FBRSL1: variants seen among roughly 807,000 people sequenced by gnomAD.
The protein encoded by FBRSL1 is fibrosin-1-like protein.
A neutral mutation model predicts 89.6 loss-of-function variants in FBRSL1; 51 were observed. The ratio of observed to expected loss-of-function variants is 0.57; its 90% confidence interval spans 0.45 to 0.72. The LOEUF (loss-of-function observed/expected upper bound fraction) is 0.72, where lower values mean the gene tolerates loss of function less well. Ranked by LOEUF, FBRSL1 falls within the 30% of genes least tolerant of loss-of-function variation. The pLI, the probability that FBRSL1 is intolerant of heterozygous loss-of-function variation, is 0.00. For missense variants in FBRSL1, 1,618 were observed against 1,451.8 expected (o/e 1.11, Z -1.86); for synonymous variants, 779 against 681.1 (o/e 1.14, Z -2.24).
At chr12:132,506,245 C>T (rs555194869) in intron 1 of FBRSL1, among the ~76,000 whole-genome samples, 2 of 152,168 alleles carry the variant, frequency 1.3e-5, no homozygotes, top group Non-Finnish European at 2.9e-5. Context: ...GAGGAGGGGC[C>T]GGCAGAAATC....
intron 4 of FBRSL1, among the ~76,000 whole-genome samples, chr12:132,530,877 C>T (rs563310710): frequency 6.6e-6 from 1 of 152,088 alleles, no homozygotes; most frequent in African/African-American, 2.4e-5. Flanking sequence ...ATACCTGTTT[C>T]AGACCCTGGT....
rs1299339182 is a variant in FBRSL1 at position 132,583,579 on chromosome 12, C to T, written c.2810C>T (p.Ala937Val). 1.8e-4 allele frequency: 180 copies of T among 1,010,326 alleles called. No homozygotes were observed. The highest frequency in any genetic ancestry group is 2.1e-4 in the Non-Finnish European group (178 of 847,026). 62.6% of individuals were successfully genotyped at this position (1,010,326 alleles called of 1,614,324 possible). ...CACTTCCCGCGCCTCTCGCCCGCCG[C>T]GCTGCACAATGGGCTCCTGGCGCGG... ...ALHFPRLSPA[A>V]LHNGLLARTP... is the part of the protein sequence containing the mutation. The change falls in exon 19 of 19, where the codon GCG becomes GTG. Residue 937 changes from alanine to valine, a missense_variant. Coordinates refer to ENST00000680143, the MANE Select transcript of FBRSL1 (RefSeq NM_001367871.1).
chr12:132,490,820 G>A lies in FBRSL1; in HGVS notation c.250G>A (p.Gly84Ser), dbSNP rs759748652. The change falls in exon 1 of 19, where the codon GGC (glycine) becomes AGC (serine). Residue 84 changes from glycine (G) to serine (S), a missense_variant. Coordinates refer to ENST00000680143, the MANE Select transcript of FBRSL1 (RefSeq NM_001367871.1). ...CTCGCAGGAGGAGGAGGTCATCGAC[G>A]GCTTCGCCATCGCCAGCTTCAGCAC... is the stretch of plus-strand genomic sequence containing the variant. ...SSSQEEEVID[G>S]FAIASFSTLE... 2 of 1,407,310 alleles carry A rather than the reference G, an allele frequency of 1.4e-6. No individual in the cohort carries two copies. The highest frequency in any genetic ancestry group is 1.5e-5 in the African/African-American group (1 of 66,732). 87.2% of individuals were successfully genotyped at this position (1,407,310 alleles called of 1,614,324 possible).
chr12:132,572,044 G>A (rs2040056676), intron 9 of FBRSL1: 10 of 565,938 alleles, frequency 1.8e-5, no homozygotes, highest in Admixed American at 3.2e-5. Flanking sequence ...GACTGCCTGG[G>A]GGGGCCGAGT....
Position 132,490,659 on chromosome 12 carries a change from A to C in FBRSL1, c.89A>C (p.Gln30Pro). The part of the protein sequence containing the change: ...RREAARDARA[Q>P]SPSSGDEPEP... ...GAGGCCGCCCGCGACGCCCGCGCCC[A>C]GAGTCCGTCGTCGGGCGACGAGCCC... Residue 30 changes from glutamine (Q) to proline (P), a missense_variant, in exon 1 of 19, where the codon CAG (glutamine) becomes CCG (proline). Gln to Pro is a moderately conservative substitution (Grantham distance 76). Transcript: ENST00000680143. 1.0e-6 allele frequency: 1 copy of C among 992,506 alleles called. No homozygotes were observed. The highest frequency in any genetic ancestry group is 1.2e-6 in the Non-Finnish European group (1 of 833,490). 61.5% of individuals were successfully genotyped at this position (992,506 alleles called of 1,614,324 possible). A position where few individuals can be genotyped will look rare whatever the true frequency, so the allele number is the denominator to read the frequency against.
rs559758400 is a variant in FBRSL1 at position 132,508,368 on chromosome 12, C to T, written c.489+18C>T. ...CCAAGCAGGTGAGCAGGTCCCTCCC[C>T]GACCGGAAGCTCTGCGGCGGGTCAG... is the stretch of plus-strand genomic sequence containing the variant. On this transcript the variant is annotated intron_variant, in intron 2 of 18. Transcript: ENST00000680143. The T allele has an allele frequency of 1.2e-4, 160 of 1,294,590 alleles. No homozygotes were observed. Among genetic ancestry groups the T allele is most frequent in the Middle Eastern group, 7.5e-4 (3 of 4,020 alleles). The allele number at this position is 1,294,590 out of a possible 1,614,324, so 80.2% of individuals were successfully genotyped here. A position where few individuals can be genotyped will look rare whatever the true frequency, so the allele number is the denominator to read the frequency against.
At position 132,534,168 on chromosome 12, in the gene FBRSL1, A is replaced by C. The variant is rs546049247; in HGVS notation, c.615+6180A>C. On this transcript the variant is annotated intron_variant, in intron 4 of 18. Coordinates refer to ENST00000680143, the MANE Select transcript of FBRSL1 (RefSeq NM_001367871.1). Reference sequence around the variant, plus strand: ...CACCACTCAGCCCTGGGAGGTCAGCATGGGGGCAGCAGGGACTTGGGGTCC... The same window carrying C: ...CACCACTCAGCCCTGGGAGGTCAGCCTGGGGGCAGCAGGGACTTGGGGTCC... Among the ~76,000 whole-genome samples, 78 of 152,272 alleles carry C rather than the reference A, an allele frequency of 5.1e-4. No homozygotes were observed. The Middle Eastern group carries it at 0.01, about 20-fold the overall frequency.
At chr12:132,540,366 C>T (rs1395255737) in intron 4 of FBRSL1, among the ~76,000 whole-genome samples, 1 of 144,684 alleles carries the variant, frequency 6.9e-6, no homozygotes, top group Non-Finnish European at 1.5e-5. Context: ...AGGTCCCTCC[C>T]GCCAGGTGCC....
chr12:132,539,448 C>T (rs1170401494), intron 4 of FBRSL1, among the ~76,000 whole-genome samples: 37 of 132,786 alleles, frequency 2.8e-4, no homozygotes, highest in African/African-American at 1.1e-3. Context: ...CCCCACCCAC[C>T]CAGTCCTGCC....
intron 5 of FBRSL1, among the ~76,000 whole-genome samples, chr12:132,556,775 C>T (rs986926559): frequency 6.3e-5 from 8 of 127,152 alleles, no homozygotes; most frequent in African/African-American, 2.5e-4. Flanking sequence ...TCCTGTGGGA[C>T]GCTCCTCTCC....
At chr12:132,540,770 C>T (rs1051306645) in intron 4 of FBRSL1, among the ~76,000 whole-genome samples, 1 of 152,202 alleles carries the variant, frequency 6.6e-6, no homozygotes, top group Non-Finnish European at 1.5e-5. Context: ...GGCCCCTCCC[C>T]GATGGCAGGA....
chr12:132,544,916 A>C (rs2037558710), intron 4 of FBRSL1, among the ~76,000 whole-genome samples: 1 of 152,192 alleles, frequency 6.6e-6, no homozygotes, highest in Non-Finnish European at 1.5e-5. Context: ...TAATGTACTG[A>C]CTATATATCA....
intron 4 of FBRSL1, among the ~76,000 whole-genome samples, chr12:132,533,766 G>A (rs1008911129): frequency 8.5e-5 from 13 of 152,246 alleles, no homozygotes; most frequent in Non-Finnish European, 1.5e-4. Context: ...GCCAGGCACT[G>A]GGTTGTGAGG....
chr12:132,512,664 T>C (rs1593293798), intron 2 of FBRSL1, among the ~76,000 whole-genome samples: 1 of 151,810 alleles, frequency 6.6e-6, no homozygotes, highest in Admixed American at 6.6e-5. Flanking sequence ...GGGGGCCGAG[T>C]GAGTAGAGCC....
intron 5 of FBRSL1, among the ~76,000 whole-genome samples, chr12:132,556,848 C>G (rs1465619978): frequency 1.5e-5 from 2 of 129,878 alleles, no homozygotes; most frequent in African/African-American, 6.0e-5. Flanking sequence ...TCTTCAGGCC[C>G]TTGTGCTGCC....
In FBRSL1 at chr12:132,527,988, T is replaced by C. The variant is rs1276464635; in HGVS notation, c.615T>C (p.Ser205=). 1.3e-6 allele frequency: 2 copies of C among 1,551,240 alleles called. No homozygotes were observed. The highest frequency in any genetic ancestry group is 2.4e-5 in the South Asian group (2 of 84,054). The change falls in exon 4 of 19, where the codon TCT becomes TCC. Residue 205 remains serine (S), a splice_region_variant and synonymous_variant. Coordinates refer to ENST00000680143, the MANE Select transcript of FBRSL1 (RefSeq NM_001367871.1). ...ATGCGGTCTCGGGGAGAGGCTACTC[T>C]GTAAGTCTCCCAGCACCCCTCCTCC... ...SAHAVSGRGY[S]CDSESGPDDK...
intron 4 of FBRSL1, among the ~76,000 whole-genome samples, chr12:132,536,197 CATG>C (rs2036724803): frequency 1.4e-5 from 2 of 141,626 alleles, no homozygotes; most frequent in Admixed American, 1.4e-4. Context: ...TGCACATGTA[CATG>C]ATAGTGTGTG....
rs887949426 is a variant in FBRSL1 at position 132,572,361 on chromosome 12, G to A, written c.1434+17G>A. 3 of 1,550,680 alleles carry A rather than the reference G, an allele frequency of 1.9e-6. No homozygotes were observed. Among genetic ancestry groups the A allele is most frequent in the African/African-American group, 2.7e-5 (2 of 73,036 alleles). ...AGCGTGAGTGTGAGTGTCCCCGAGGGGCCCGGCGCGTGTCGCTGTGCACGC... is the reference window on the plus strand; with the variant it reads ...AGCGTGAGTGTGAGTGTCCCCGAGGAGCCCGGCGCGTGTCGCTGTGCACGC... On this transcript the variant is annotated intron_variant, in intron 10 of 18. Coordinates refer to ENST00000680143, the MANE Select transcript of FBRSL1 (RefSeq NM_001367871.1).
chr12:132,519,854 G>GC (rs1324282560), intron 2 of FBRSL1, among the ~76,000 whole-genome samples: 1 of 142,652 alleles, frequency 7.0e-6, no homozygotes, highest in Non-Finnish European at 1.5e-5. Flanking sequence ...GTTGCAGTGA[G>GC]CCAAGATCTC....
Sources: allele counts gnomAD v4.1 joint callset (sites outside exome capture counted in the v4.1 genomes callset), GRCh38; gene constraint gnomAD v4.1.1; transcripts MANE v1.5; gene names NCBI Gene and HGNC (gene_info 2026-07-23, HGNC 2026-07-21).